Variants in MAGI2 observed in about 807,000 individuals in gnomAD.
MAGI2 encodes the protein membrane-associated guanylate kinase, WW and PDZ domain-containing protein 2.
In MAGI2, 35 loss-of-function variants were observed where a neutral mutation model predicts 133.3. The observed-to-expected ratio is 0.26, with a 90% CI of 0.20 to 0.35. MAGI2 has a LOEUF of 0.35. Among genes scored for constraint, MAGI2 ranks in the 10% least tolerant of loss-of-function variants. The probability of loss-of-function intolerance (pLI) is 1.00; values close to 1 mark genes in which losing one functional copy is unlikely to be tolerated. For missense variants in MAGI2, 1,636 were observed against 1,863.4 expected, an observed-to-expected ratio of 0.88 and a Z score of 2.25; for synonymous variants, 729 against 710.6, an observed-to-expected ratio of 1.03 and a Z score of -0.41.
At chr7:78,161,154 A>T (rs1824933903) in intron 15 of MAGI2, among the ~76,000 whole-genome samples, 1 of 152,178 alleles carries the variant, frequency 6.6e-6, no homozygotes, top group Non-Finnish European at 1.5e-5. Flanking sequence ...TATAAAATAC[A>T]CCCTATTATC....
intron 20 of MAGI2, among the ~76,000 whole-genome samples, chr7:78,121,000 C>CAAAAAAAAAAA (rs67572219): frequency 1.3e-5 from 1 of 75,194 alleles, no homozygotes; most frequent in Non-Finnish European, 2.4e-5. Context: ...GACTCCGTCT[C>CAAAAAAAAAAA]AAAAAAAAAA....
At chr7:79,220,610 G>A (rs1210615425) in intron 1 of MAGI2, among the ~76,000 whole-genome samples, 1 of 151,972 alleles carries the variant, frequency 6.6e-6, no homozygotes, top group Non-Finnish European at 1.5e-5. Context: ...TGAACTGGAG[G>A]AATAACAGAA....
chr7:78,393,043 G>A (rs966182672), intron 6 of MAGI2, among the ~76,000 whole-genome samples: 2 of 152,124 alleles, frequency 1.3e-5, no homozygotes, highest in Non-Finnish European at 2.9e-5. Flanking sequence ...TAAAAAAAAC[G>A]ATTAGAACCA....
At chr7:79,028,844 T>C (rs1810286313) in intron 1 of MAGI2, among the ~76,000 whole-genome samples, 1 of 152,202 alleles carries the variant, frequency 6.6e-6, no homozygotes, top group Non-Finnish European at 1.5e-5. Flanking sequence ...GCTATTGTCT[T>C]GGTAATGAAA....
At chr7:78,665,088 T>A (rs949331389) in intron 2 of MAGI2, among the ~76,000 whole-genome samples, 3 of 152,130 alleles carry the variant, frequency 2.0e-5, no homozygotes, top group African/African-American at 7.2e-5. Flanking sequence ...TAGTGTAATT[T>A]AAAAATTTTC....
intron 9 of MAGI2, among the ~76,000 whole-genome samples, chr7:78,266,195 G>A (rs901261294): frequency 2.6e-5 from 4 of 152,124 alleles, no homozygotes; most frequent in South Asian, 2.1e-4. Context: ...TTTAAGACAC[G>A]TAGAGCAGTG....
chr7:78,579,092 C>T (rs1484447445), intron 3 of MAGI2, among the ~76,000 whole-genome samples: 1 of 152,142 alleles, frequency 6.6e-6, no homozygotes, highest in Non-Finnish European at 1.5e-5. Context: ...CACATCCCAT[C>T]TTCCTGCTAG....
intron 2 of MAGI2, among the ~76,000 whole-genome samples, chr7:78,751,882 A>G (rs1326372033): frequency 6.6e-6 from 1 of 152,248 alleles, no homozygotes; most frequent in Non-Finnish European, 1.5e-5. Context: ...GAAGTTGCAT[A>G]GAAGTTCTAT....
chr7:78,339,251 T>G (rs971280214), intron 9 of MAGI2, among the ~76,000 whole-genome samples: 1 of 152,220 alleles, frequency 6.6e-6, no homozygotes, highest in East Asian at 1.9e-4. Flanking sequence ...CATAGAGGAC[T>G]AAATAGGAGA....
chr7:78,209,423 C>G lies in MAGI2; in HGVS notation c.2048-8230G>C, dbSNP rs201039988. On this transcript the variant is annotated intron_variant, in intron 10 of 21. Coordinates refer to ENST00000354212, the MANE Select transcript of MAGI2 (RefSeq NM_012301.4). Reference sequence around the variant, plus strand: ...ACTACAGGCGTGCACCATCACGCCCCACTAAAATTTGTATTTTTAGTAGAG... The same window carrying G: ...ACTACAGGCGTGCACCATCACGCCCGACTAAAATTTGTATTTTTAGTAGAG... 9.8e-4 allele frequency among the ~76,000 whole-genome samples: 147 copies of G among 150,184 alleles called. No homozygotes were observed. In the East Asian group the frequency reaches 0.013, roughly 13 times the overall value.
At chr7:79,451,037 TAA>T (rs1372433560) in intron 1 of MAGI2, among the ~76,000 whole-genome samples, 11 of 152,342 alleles carry the variant, frequency 7.2e-5, no homozygotes, top group African/African-American at 2.4e-4. Context: ...TTCTCCACGT[TAA>T]GTCTTTCCAC....
At chr7:79,003,762 C>T (rs1254621118) in intron 2 of MAGI2, among the ~76,000 whole-genome samples, 1 of 152,080 alleles carries the variant, frequency 6.6e-6, no homozygotes, top group Non-Finnish European at 1.5e-5. Context: ...ACTAAGAAAT[C>T]AAATAATCCC....
At chr7:78,207,958 C>T (rs1262394329) in intron 10 of MAGI2, among the ~76,000 whole-genome samples, 1 of 152,068 alleles carries the variant, frequency 6.6e-6, no homozygotes, top group African/African-American at 2.4e-5. Context: ...GTAACCTCCG[C>T]CTCCCAGGTT....
chr7:79,127,279 A>G (rs1461243110), intron 1 of MAGI2, among the ~76,000 whole-genome samples: 1 of 152,126 alleles, frequency 6.6e-6, no homozygotes, highest in Non-Finnish European at 1.5e-5. Context: ...ATGTGTCTTT[A>G]TAGCACATGA....
chr7:78,692,611 A>G (rs1028227446), intron 2 of MAGI2, among the ~76,000 whole-genome samples: 3 of 152,226 alleles, frequency 2.0e-5, no homozygotes, highest in Non-Finnish European at 4.4e-5. Flanking sequence ...CCATATTTAC[A>G]TATAATGTTC....
chr7:78,945,197 G>A (rs1008508749), intron 2 of MAGI2, among the ~76,000 whole-genome samples: 2 of 151,814 alleles, frequency 1.3e-5, no homozygotes, highest in Non-Finnish European at 2.9e-5. Context: ...AAGTAGCTGG[G>A]AGCATAGGCG....
chr7:79,395,300 T>G (rs1215075533), intron 1 of MAGI2, among the ~76,000 whole-genome samples: 1 of 152,176 alleles, frequency 6.6e-6, no homozygotes, highest in Non-Finnish European at 1.5e-5. Flanking sequence ...ATTGTAGTTG[T>G]GAGAAATGAT....
At chr7:78,088,435 C>T (rs186821821) in intron 20 of MAGI2, among the ~76,000 whole-genome samples, 3 of 152,304 alleles carry the variant, frequency 2.0e-5, no homozygotes, top group Non-Finnish European at 4.4e-5. Context: ...TGAAAAGGTA[C>T]ACCAAGATGG....
At chr7:78,524,627 T>C (rs1346484570) in intron 3 of MAGI2, among the ~76,000 whole-genome samples, 1 of 152,236 alleles carries the variant, frequency 6.6e-6, no homozygotes. Context: ...TAAATGTTAC[T>C]ATGTAATTTG....
Sources: gnomAD v4.1 joint callset for allele counts (sites outside exome capture counted in the v4.1 genomes callset) on GRCh38, gnomAD v4.1.1 for gene constraint, MANE v1.5 for transcripts, NCBI Gene and HGNC (gene_info 2026-07-23, HGNC 2026-07-21) for gene names.